The following TACC2 variants were observed in gnomAD, a reference collection of about 807,000 sequenced individuals.
The protein encoded by TACC2 is transforming acidic coiled-coil-containing protein 2.
Under a neutral mutation model 227.3 loss-of-function variants are expected in TACC2, and 137 were observed. That is an observed-to-expected ratio of 0.60 (90% CI 0.52 to 0.69). The LOEUF is 0.69. Among genes scored for constraint, TACC2 ranks in the 30% least tolerant of loss-of-function variants. The probability of loss-of-function intolerance (pLI) is 0.00; values close to 1 mark genes in which losing one functional copy is unlikely to be tolerated. For missense variants in TACC2, 3,470 were observed against 3,694.4 expected (o/e 0.94, Z 1.57); for synonymous variants, 1,523 against 1,487.5 (o/e 1.02, Z -0.55).
chr10:122,020,674 T>C (rs1211209509), intron 1 of TACC2, among the ~76,000 whole-genome samples: 1 of 152,188 alleles, frequency 6.6e-6, no homozygotes, highest in African/African-American at 2.4e-5. Flanking sequence ...ACTTTTGGCC[T>C]CCCCAAACTG....
At chr10:122,204,622 G>A (rs1282226821) in intron 8 of TACC2, among the ~76,000 whole-genome samples, 2 of 152,190 alleles carry the variant, frequency 1.3e-5, no homozygotes, top group African/African-American at 4.8e-5. Flanking sequence ...GATCGCTGGA[G>A]CCCAGGAGTT....
chr10:122,220,571 A>G (rs2095504289), intron 11 of TACC2, among the ~76,000 whole-genome samples: 1 of 152,202 alleles, frequency 6.6e-6, no homozygotes, highest in African/African-American at 2.4e-5. Context: ...ACACACACCC[A>G]GGGGTGCTGA....
chr10:122,186,015 C>G (rs2094175841), intron 7 of TACC2, among the ~76,000 whole-genome samples: 1 of 151,972 alleles, frequency 6.6e-6, no homozygotes, highest in South Asian at 2.1e-4. Context: ...ACCTCAACCT[C>G]CACCTCCTGG....
intron 7 of TACC2, among the ~76,000 whole-genome samples, chr10:122,176,930 G>A (rs2093745844): frequency 6.6e-6 from 1 of 152,184 alleles, no homozygotes; most frequent in South Asian, 2.1e-4. Context: ...TCTGGTGGGT[G>A]GTGGAGACAA....
At chr10:122,158,820 A>G (rs2092649993) in intron 7 of TACC2, among the ~76,000 whole-genome samples, 1 of 152,214 alleles carries the variant, frequency 6.6e-6, no homozygotes, top group South Asian at 2.1e-4. Flanking sequence ...ACCGCTGCAA[A>G]TAAACGAACA....
Position 122,087,939 on chromosome 10 carries a change from A to C in TACC2, c.5439A>C (p.Pro1813=), listed in dbSNP as rs1338194433. 2 of 1,509,940 alleles carry C rather than the reference A, an allele frequency of 1.3e-6. No homozygotes were observed. Among genetic ancestry groups the C allele is most frequent in the African/African-American group, 1.4e-5 (1 of 71,500 alleles). 93.5% of individuals were successfully genotyped at this position (1,509,940 alleles called of 1,614,324 possible). Reference sequence around the variant, plus strand: ...ACCCGAAGCTGCAACATTTGGCTCCAGAAGAGCTCCACACTGACAGGTACT... The same window carrying C: ...ACCCGAAGCTGCAACATTTGGCTCCCGAAGAGCTCCACACTGACAGGTACT... ...THDPKLQHLA[P]EELHTDRESP... The change falls in exon 4 of 23, where the codon CCA becomes CCC. Residue 1813 remains proline (P), a synonymous_variant. Transcript: ENST00000369005.
chr10:122,073,126 A>AAATAT (rs1383487943), intron 3 of TACC2, among the ~76,000 whole-genome samples: 33 of 71,004 alleles, frequency 4.6e-4, no homozygotes, highest in African/African-American at 1.2e-3. Flanking sequence ...AAAAAAAAAA[A>AAATAT]ATATATATAT....
rs1035273668 is a variant in TACC2 at position 122,154,189 on chromosome 10, C to T, written c.5834+10483C>T. ...CTACCCATTTCTCCATTCATATGCT[C>T]ATAGTTATTGAGGGCTTCCAAGGGC... On this transcript the variant is annotated intron_variant, in intron 7 of 22. Transcript: ENST00000369005. 2.0e-5 allele frequency among the ~76,000 whole-genome samples: 3 copies of T among 152,366 alleles called. No individual in the cohort carries two copies. The East Asian group carries it at 5.8e-4, about 29-fold the overall frequency.
intron 1 of TACC2, among the ~76,000 whole-genome samples, chr10:122,004,038 C>G (rs1025566400): frequency 6.6e-6 from 1 of 151,816 alleles, no homozygotes; most frequent in African/African-American, 2.4e-5. Context: ...GAGGCCGAGG[C>G]AGGCAGAAAA....
In TACC2 at chr10:122,229,380, C is replaced by G; in HGVS notation, c.7931C>G (p.Ala2644Gly). ...GAGGGCTCCTTTGCCTCTGCTGACG[C>G]CCTCCTCAGCAGGCTAGCTCACCCC... is the stretch of plus-strand genomic sequence containing the variant. ...APEGSFASAD[A>G]LLSRLAHPVS... is the part of the protein sequence containing the mutation. Residue 2644 changes from alanine to glycine, a missense_variant, in exon 15 of 23, where the codon GCC becomes GGC. Ala to Gly is a moderately conservative substitution (Grantham distance 60). Coordinates refer to ENST00000369005, the MANE Select transcript of TACC2 (RefSeq NM_206862.4). 5.6e-6 allele frequency: 9 copies of G among 1,614,014 alleles called. No individual in the cohort carries two copies. The highest frequency in any genetic ancestry group is 7.6e-6 in the Non-Finnish European group (9 of 1,179,996).
At chr10:122,176,101 CTCTCTCTCTCTCTCTCTATATATATATA>C (rs1326774601) in intron 7 of TACC2, among the ~76,000 whole-genome samples, 1,974 of 84,028 alleles carry the variant, frequency 0.023, 16 homozygotes, top group Middle Eastern at 0.051. Context: ...CTCTCTCTCT[CTCTCTCTCTCTCTCTCTATATATATATA>C]TATATATATA....
intron 7 of TACC2, chr10:122,192,887 C>T (rs1382209183): frequency 2.4e-6 from 1 of 416,554 alleles, no homozygotes; most frequent in Non-Finnish European, 5.0e-6. Flanking sequence ...GGGGCAGCAC[C>T]CGGGGCAGCA....
At position 122,232,532 on chromosome 10, in the gene TACC2, A is replaced by G. The variant is rs184105108; in HGVS notation, c.8127+2092A>G. Among the ~76,000 whole-genome samples the G allele has an allele frequency of 6.7e-4, 102 of 152,360 alleles. 2 individuals are homozygous for G. The East Asian group carries it at 0.012, about 18-fold the overall frequency. On this transcript the variant is annotated intron_variant, in intron 16 of 22. Coordinates refer to ENST00000369005, the MANE Select transcript of TACC2 (RefSeq NM_206862.4). ...TTCATAGTATATAGGTCGGAGAGGC[A>G]GCCCAAGCCACCTCTTTTATTTCAG... is the stretch of plus-strand genomic sequence containing the variant.
At chr10:122,044,709 G>A (rs540953593) in intron 2 of TACC2, among the ~76,000 whole-genome samples, 2 of 150,224 alleles carry the variant, frequency 1.3e-5, no homozygotes, top group African/African-American at 4.9e-5. Context: ...ATGGTGAAAT[G>A]CTTTAGCTCT....
In TACC2 at chr10:122,200,324, A is replaced by G. The variant is rs74499951; in HGVS notation, c.5971+5148A>G. Among the ~76,000 whole-genome samples, 3,016 of 152,246 alleles carry G rather than the reference A, an allele frequency of 0.02. 171 individuals carry two copies. The East Asian group carries it at 0.24, about 12-fold the overall frequency. ...GGACGATGGAGAGTTTGGGGCCTGCATAGAGCCAGGTGAGGAGACATGAGA... is the reference window on the plus strand; with the variant it reads ...GGACGATGGAGAGTTTGGGGCCTGCGTAGAGCCAGGTGAGGAGACATGAGA... On this transcript the variant is annotated intron_variant, in intron 8 of 22. Coordinates refer to ENST00000369005, the MANE Select transcript of TACC2 (RefSeq NM_206862.4).
intron 7 of TACC2, among the ~76,000 whole-genome samples, chr10:122,167,572 G>C (rs1490066777): frequency 6.6e-6 from 1 of 152,176 alleles, no homozygotes; most frequent in East Asian, 1.9e-4. Context: ...TAGGTAGAGA[G>C]ATTGGAGCTC....
rs757639386 is a variant in TACC2 at position 122,083,501 on chromosome 10, A to G, written c.1001A>G (p.Gln334Arg). ...AATGCCGCTTCCCAGGAGAGCTGCC[A>G]GCAGCCAGTGGGAGCATATCTGCCG... ...EVNAASQESC[Q>R]QPVGAYLPHA... is the part of the protein sequence containing the mutation. Residue 334 changes from glutamine to arginine, a missense_variant, in exon 4 of 23, where the codon CAG (glutamine) becomes CGG (arginine). Around this residue, in one of 10 missense-constraint regions of TACC2, gnomAD observed 33 missense variants for 60.4 expected, o/e 0.55. Coordinates refer to ENST00000369005, the MANE Select transcript of TACC2 (RefSeq NM_206862.4). 1 of 1,613,120 alleles carries G rather than the reference A, an allele frequency of 6.2e-7. No homozygotes were observed. The highest frequency in any genetic ancestry group is 1.3e-5 in the African/African-American group (1 of 74,940).
rs185971333 is a variant in TACC2 at position 121,992,776 on chromosome 10, G to A, written c.-46+3288G>A. Reference sequence around the variant, plus strand: ...TTGAGACCAGCCTGGGCAACACGGCGAAACCCCGTCTCTACTAAAATACAA... The same window carrying A: ...TTGAGACCAGCCTGGGCAACACGGCAAAACCCCGTCTCTACTAAAATACAA... On this transcript the variant is annotated intron_variant, in intron 1 of 22. Transcript: ENST00000369005. Among the ~76,000 whole-genome samples the A allele has an allele frequency of 2.0e-3, 297 of 152,132 alleles. 2 individuals are homozygous for A. The highest frequency in any genetic ancestry group is 2.6e-3 in the Non-Finnish European group (175 of 68,002).
At chr10:122,042,586 A>G (rs773951998) in intron 2 of TACC2, among the ~76,000 whole-genome samples, 4 of 152,202 alleles carry the variant, frequency 2.6e-5, no homozygotes, top group Non-Finnish European at 5.9e-5. Context: ...GAGATAGCCA[A>G]TGGGGCTCTT....
Sources: allele counts gnomAD v4.1 joint callset (sites outside exome capture counted in the v4.1 genomes callset), GRCh38; gene constraint gnomAD v4.1.1; regional missense constraint gnomAD v4.1.1; transcripts MANE v1.5; gene names NCBI Gene and HGNC (gene_info 2026-07-23, HGNC 2026-07-21).